Variants in ABCB5 observed in about 807,000 individuals in gnomAD.
ABCB5 encodes ATP binding cassette subfamily B member 5.
Under a neutral mutation model 144.2 loss-of-function variants are expected in ABCB5, and 155 were observed. The ratio of observed to expected loss-of-function variants is 1.08; its 90% CI spans 0.94 to 1.23. The LOEUF (loss-of-function observed/expected upper bound fraction) is 1.23, where lower values mean the gene tolerates loss of function less well. ABCB5 is among the 50% of genes most tolerant of loss of function. The probability of loss-of-function intolerance (pLI) is 0.00; values close to 1 mark genes in which losing one functional copy is unlikely to be tolerated. For missense variants in ABCB5, 1,830 were observed against 1,520.8 expected (o/e 1.20, Z -3.38); for synonymous variants, 610 against 528.6 (o/e 1.15, Z -2.11).
intron 21 of ABCB5, among the ~76,000 whole-genome samples, chr7:20,725,234 C>T (rs1193329970): frequency 6.6e-6 from 1 of 152,138 alleles, no homozygotes; most frequent in East Asian, 1.9e-4. Flanking sequence ...TGTATCGGTC[C>T]TTCTTCAGTT....
At chr7:20,684,795 A>T (rs1371914790) in intron 15 of ABCB5, among the ~76,000 whole-genome samples, 4 of 152,168 alleles carry the variant, frequency 2.6e-5, no homozygotes, top group African/African-American at 9.7e-5. Context: ...CTTATCAAAG[A>T]ATCACCGTGT....
intron 14 of ABCB5, 137 bp from the exon 15 acceptor site, chr7:20,681,368 C>T: frequency 1.2e-6 from 1 of 857,860 alleles, no homozygotes; most frequent in Non-Finnish European, 1.7e-6. Flanking sequence ...CTCAGGTGAT[C>T]CACCCTCCTC....
chr7:20,738,200 G>C (rs10273704), intron 23 of ABCB5, among the ~76,000 whole-genome samples: 129,891 of 152,252 alleles, frequency 0.85, 55,488 homozygotes, highest in East Asian at 0.89. Flanking sequence ...GTGCCGTTAG[G>C]TTTGTTACTA....
intron 21 of ABCB5, among the ~76,000 whole-genome samples, chr7:20,723,482 T>C (rs375769460): frequency 6.6e-6 from 1 of 152,224 alleles, no homozygotes; most frequent in African/African-American, 2.4e-5. Context: ...CCAGATTCTA[T>C]GCTAACAAAC....
rs1785829435 is a variant in ABCB5 at position 20,681,564 on chromosome 7, A to G, written c.1767A>G (p.Ala589=). 2 of 1,614,098 alleles carry G rather than the reference A, an allele frequency of 1.2e-6. No homozygotes were observed. The highest frequency in any genetic ancestry group is 1.7e-6 in the Non-Finnish European group (2 of 1,180,044). ...VAHRLSTIRS[A]DLIVTLKDGM... is the part of the protein sequence containing the mutation. ...ACCGACTTTCTACTATTCGAAGTGC[A>G]GATTTGATTGTGACCCTAAAGGATG... The change falls in exon 15 of 28, where the codon GCA becomes GCG. Residue 589 remains alanine (A), a synonymous_variant. Transcript: ENST00000404938.
chr7:20,645,172 T>C (rs1240786060), intron 7 of ABCB5, among the ~76,000 whole-genome samples: 1 of 152,244 alleles, frequency 6.6e-6, no homozygotes, highest in East Asian at 1.9e-4. Context: ...TCAATTCAAC[T>C]TGACAATTAT....
intron 20 of ABCB5, among the ~76,000 whole-genome samples, chr7:20,722,764 G>A (rs1388418567): frequency 6.6e-6 from 1 of 152,136 alleles, no homozygotes; most frequent in Non-Finnish European, 1.5e-5. Context: ...GGAGGTTGCA[G>A]TGAGCCGAGA....
chr7:20,654,022 A>G (rs983088351), intron 13 of ABCB5, among the ~76,000 whole-genome samples: 2 of 152,198 alleles, frequency 1.3e-5, no homozygotes, highest in African/African-American at 2.4e-5. Flanking sequence ...AGACCAAGCC[A>G]TGACAAGATG....
Position 20,617,193 on chromosome 7 carries a change from T to A in ABCB5, c.-22+1356T>A, listed in dbSNP as rs192026464. On this transcript the variant is annotated intron_variant, in intron 1 of 27. Coordinates refer to ENST00000404938, the MANE Select transcript of ABCB5 (RefSeq NM_001163941.2). ...ATGACAGCAAAGATGTCTAGGCTGT[T>A]CAGTGCTTAAAACAGTACCTGGCAC... is the stretch of plus-strand genomic sequence containing the variant. Among the ~76,000 whole-genome samples, 11 of 152,346 alleles carry A rather than the reference T, an allele frequency of 7.2e-5. No homozygotes were observed. In the East Asian group the frequency reaches 2.1e-3, roughly 29 times the overall value.
chr7:20,704,926 C>A, intron 20 of ABCB5, 119 bp downstream of exon 20: 5 of 638,696 alleles, frequency 7.8e-6, no homozygotes, highest in Non-Finnish European at 1.2e-5. Flanking sequence ...ATTAATGAGG[C>A]CAGGTAAGTC....
intron 21 of ABCB5, among the ~76,000 whole-genome samples, chr7:20,724,171 C>A (rs1420152644): frequency 5.3e-5 from 7 of 131,102 alleles, no homozygotes; most frequent in Non-Finnish European, 5.1e-5. Flanking sequence ...GTAGGCAGTT[C>A]TTTTCCTTTT....
chr7:20,651,128 G>A (rs1025642263), intron 12 of ABCB5, among the ~76,000 whole-genome samples: 6 of 152,140 alleles, frequency 3.9e-5, no homozygotes, highest in East Asian at 1.9e-4. Context: ...TAACATTTGC[G>A]GAACCTAGAG....
intron 20 of ABCB5, among the ~76,000 whole-genome samples, chr7:20,711,744 G>A (rs1787043769): frequency 6.8e-6 from 1 of 146,060 alleles, no homozygotes; most frequent in African/African-American, 2.5e-5. Flanking sequence ...GTGAGCCACT[G>A]CACCCAGCCC....
At chr7:20,667,842 C>G (rs1274241426) in intron 14 of ABCB5, among the ~76,000 whole-genome samples, 1 of 141,240 alleles carries the variant, frequency 7.1e-6, no homozygotes, top group Non-Finnish European at 1.6e-5. Flanking sequence ...CTGCCTCAGC[C>G]TGCCGAGTGC....
At chr7:20,660,713 C>T (rs1228738693) in intron 14 of ABCB5, among the ~76,000 whole-genome samples, 1 of 152,174 alleles carries the variant, frequency 6.6e-6, no homozygotes, top group Non-Finnish European at 1.5e-5. Context: ...TATCATACAG[C>T]CTAACCCACA....
chr7:20,726,894 G>T (rs749402950), intron 21 of ABCB5, 146 bp from the exon 22 acceptor site: 1 of 470,046 alleles, frequency 2.1e-6, no homozygotes. Flanking sequence ...TTTCTGGGAG[G>T]AAAGGAAGCT....
intron 18 of ABCB5, 45 bp downstream of exon 18, chr7:20,699,974 C>T (rs1786560458): frequency 6.3e-7 from 1 of 1,595,728 alleles, no homozygotes; most frequent in Non-Finnish European, 8.6e-7. Flanking sequence ...CTTTTTGTTG[C>T]CATTCTTTCT....
At chr7:20,669,945 C>G (rs79327868) in intron 14 of ABCB5, among the ~76,000 whole-genome samples, 5,952 of 152,166 alleles carry the variant, frequency 0.039, 422 homozygotes, top group African/African-American at 0.14. Context: ...GAATAGAATT[C>G]AAACTTGAAG....
At chr7:20,633,594 A>T (rs910026072) in intron 5 of ABCB5, among the ~76,000 whole-genome samples, 16 of 152,088 alleles carry the variant, frequency 1.1e-4, no homozygotes, top group African/African-American at 3.9e-4. Flanking sequence ...TATCTCAAAC[A>T]TTTGTCGTTT....
Sources: allele counts gnomAD v4.1 joint callset (sites outside exome capture counted in the v4.1 genomes callset), GRCh38; gene constraint gnomAD v4.1.1; transcripts MANE v1.5; gene names NCBI Gene and HGNC (gene_info 2026-07-23, HGNC 2026-07-21).